NRG1: variants seen among roughly 807,000 people sequenced by gnomAD.
NRG1 encodes the protein pro-neuregulin-1, membrane-bound isoform.
NRG1 carries 18 observed loss-of-function variants against 63.8 expected under a neutral mutation model. That is an observed-to-expected ratio of 0.28 (90% CI 0.19 to 0.42). NRG1 has a LOEUF of 0.42. Ranked by LOEUF, NRG1 falls within the 10% of genes least tolerant of loss-of-function variation. NRG1 has a pLI of 1.00. For missense variants in NRG1, 762 were observed against 814.7 expected, an observed-to-expected ratio of 0.94 and a Z score of 0.79; for synonymous variants, 302 against 301.3, an observed-to-expected ratio of 1.00 and a Z score of -0.02.
At chr8:32,661,387 C>T (rs1475794387) in intron 5 of NRG1, among the ~76,000 whole-genome samples, 1 of 152,150 alleles carries the variant, frequency 6.6e-6, no homozygotes, top group East Asian at 1.9e-4. Flanking sequence ...ATGATGGGTC[C>T]TGTCATTGAT....
chr8:32,079,979 G>A lies in NRG1; in HGVS notation c.37+440548G>A, dbSNP rs149785024. ...CTAAACAAGTATTTGTTTTAATAAA[G>A]TAGTAGTAATAAAATATTTATAGCA... On this transcript the variant is annotated intron_variant, in intron 1 of 10. Transcript: ENST00000519301. 2.9e-3 allele frequency among the ~76,000 whole-genome samples: 448 copies of A among 152,302 alleles called. 5 individuals carry two copies. The highest frequency in any genetic ancestry group is 0.02 in the Middle Eastern group (6 of 294).
At chr8:32,732,550 T>C (rs1299033772) in intron 6 of NRG1, among the ~76,000 whole-genome samples, 1 of 152,208 alleles carries the variant, frequency 6.6e-6, no homozygotes, top group Non-Finnish European at 1.5e-5. Flanking sequence ...AACAGTCTTA[T>C]GTCCTTTCAC....
At chr8:32,671,856 A>G (rs978799450) in intron 5 of NRG1, among the ~76,000 whole-genome samples, 1 of 152,224 alleles carries the variant, frequency 6.6e-6, no homozygotes, top group African/African-American at 2.4e-5. Flanking sequence ...TTATGTGATT[A>G]GAAAATCATT....
At chr8:31,727,053 G>GCC (rs1813521845) in intron 1 of NRG1, among the ~76,000 whole-genome samples, 3 of 152,108 alleles carry the variant, frequency 2.0e-5, no homozygotes, top group Admixed American at 2.0e-4. Context: ...AGAAGTACTT[G>GCC]GACTGGAGGG....
chr8:32,128,347 A>G (rs1000767942), intron 1 of NRG1, among the ~76,000 whole-genome samples: 4 of 151,928 alleles, frequency 2.6e-5, no homozygotes, highest in African/African-American at 9.7e-5. Flanking sequence ...GGCAATGTGC[A>G]TTCCTATATA....
intron 1 of NRG1, among the ~76,000 whole-genome samples, chr8:32,192,611 G>A (rs1318511055): frequency 1.3e-5 from 2 of 151,984 alleles, no homozygotes; most frequent in Non-Finnish European, 2.9e-5. Flanking sequence ...TGGGAGGGGT[G>A]AAAAAGCTAA....
chr8:32,340,008 AC>A (rs1396133326), intron 1 of NRG1, among the ~76,000 whole-genome samples: 1 of 152,054 alleles, frequency 6.6e-6, no homozygotes, highest in Admixed American at 6.6e-5. Flanking sequence ...AGATAACTTG[AC>A]TTTCTCCTTC....
chr8:32,551,686 A>G (rs751784680), intron 1 of NRG1, among the ~76,000 whole-genome samples: 2 of 152,174 alleles, frequency 1.3e-5, no homozygotes, highest in Non-Finnish European at 2.9e-5. Context: ...CTATTCCATA[A>G]TAATAGCTCT....
At chr8:32,720,331 T>C (rs1820304182) in intron 5 of NRG1, among the ~76,000 whole-genome samples, 1 of 152,130 alleles carries the variant, frequency 6.6e-6, no homozygotes, top group African/African-American at 2.4e-5. Context: ...ATGCAGAGTA[T>C]AGTAAAGAAT....
intron 1 of NRG1, among the ~76,000 whole-genome samples, chr8:32,482,207 GA>G (rs924547711): frequency 1.1e-4 from 16 of 146,694 alleles, no homozygotes; most frequent in African/African-American, 2.5e-4. Flanking sequence ...AGCTCTTCAG[GA>G]AAAAAAAAAG....
intron 1 of NRG1, among the ~76,000 whole-genome samples, chr8:32,240,534 T>C (rs1406080524): frequency 6.6e-6 from 1 of 151,994 alleles, no homozygotes; most frequent in Non-Finnish European, 1.5e-5. Flanking sequence ...TGGAACCAAA[T>C]ACACACACAA....
chr8:32,597,973 T>G (rs1046481717), intron 2 of NRG1, among the ~76,000 whole-genome samples: 1 of 152,196 alleles, frequency 6.6e-6, no homozygotes, highest in African/African-American at 2.4e-5. Flanking sequence ...TGTTTGCTTT[T>G]CATCAGACAA....
chr8:31,859,004 T>A (rs1828219227), intron 1 of NRG1, among the ~76,000 whole-genome samples: 2 of 152,184 alleles, frequency 1.3e-5, no homozygotes, highest in Non-Finnish European at 2.9e-5. Flanking sequence ...AAGTATAGAT[T>A]TTTATGCTAC....
intron 1 of NRG1, among the ~76,000 whole-genome samples, chr8:31,947,944 CAAAAAAAAAAAA>C (rs55953491): frequency 1.8e-4 from 6 of 32,968 alleles, no homozygotes; most frequent in South Asian, 5.9e-3. Context: ...GACTCCATCT[CAAAAAAAAAAAA>C]AAAAAAAAAA....
intron 1 of NRG1, among the ~76,000 whole-genome samples, chr8:32,005,480 C>T (rs1258153111): frequency 6.6e-6 from 1 of 151,768 alleles, no homozygotes; most frequent in Non-Finnish European, 1.5e-5. Context: ...ACAAAAAGGG[C>T]AATAAATTAA....
At chr8:31,832,037 C>T (rs2129605998) in intron 1 of NRG1, among the ~76,000 whole-genome samples, 1 of 152,266 alleles carries the variant, frequency 6.6e-6, no homozygotes, top group Non-Finnish European at 1.5e-5. Context: ...TTTGGTATAA[C>T]TTGAAAGACA....
intron 1 of NRG1, among the ~76,000 whole-genome samples, chr8:31,781,876 G>A (rs1819719043): frequency 6.6e-6 from 1 of 152,020 alleles, no homozygotes; most frequent in Non-Finnish European, 1.5e-5. Flanking sequence ...CTTTCTGATG[G>A]GAGTAAGTTG....
At chr8:31,863,505 C>T (rs187851517) in intron 1 of NRG1, among the ~76,000 whole-genome samples, 317 of 152,278 alleles carry the variant, frequency 2.1e-3, no homozygotes, top group Non-Finnish European at 3.6e-3. Flanking sequence ...GTTAATGATA[C>T]ATATGTCATA....
At chr8:32,090,565 C>T (rs1353127563) in intron 1 of NRG1, among the ~76,000 whole-genome samples, 2 of 152,168 alleles carry the variant, frequency 1.3e-5, no homozygotes, top group Non-Finnish European at 2.9e-5. Context: ...AGGTGTTCTG[C>T]CGGCCTCAGC....
Sources: allele counts gnomAD v4.1 joint callset (sites outside exome capture counted in the v4.1 genomes callset), GRCh38; gene constraint gnomAD v4.1.1; transcripts MANE v1.5; gene names NCBI Gene and HGNC (gene_info 2026-07-23, HGNC 2026-07-21).